Variants in CFAP70 observed in about 807,000 individuals in gnomAD.
CFAP70 encodes the protein cilia and flagella associated protein 70, also known as cilia- and flagella-associated protein 70.
Under a neutral mutation model 137.6 loss-of-function variants are expected in CFAP70, and 81 were observed. The ratio of observed to expected loss-of-function variants is 0.59; its 90% CI spans 0.49 to 0.71. CFAP70 has a LOEUF of 0.71. CFAP70 is among the 30% of genes least tolerant of loss of function. CFAP70 has a pLI of 0.00. For synonymous variants in CFAP70, 382 were observed against 423.6 expected, an observed-to-expected ratio of 0.90 and a Z score of 1.20; for missense variants, 976 against 1,226.7, an observed-to-expected ratio of 0.80 and a Z score of 3.05.
chr10:73,309,625 A>G (rs1039837526), intron 12 of CFAP70, among the ~76,000 whole-genome samples: 1 of 142,340 alleles, frequency 7.0e-6, no homozygotes, highest in African/African-American at 2.7e-5. Flanking sequence ...GGGTATTTTT[A>G]TATACTTTCT....
chr10:73,298,906 C>A lies in CFAP70; in HGVS notation c.1512+1G>T. The A allele has an allele frequency of 1.2e-6, 2 of 1,613,594 alleles. No homozygotes were observed. The highest frequency in any genetic ancestry group is 1.7e-6 in the Non-Finnish European group (2 of 1,179,778). On this transcript the variant is annotated splice_donor_variant, in intron 14 of 26. Transcript: ENST00000310715. LOFTEE classifies it high-confidence loss of function. Reference sequence around the variant, plus strand: ...AGTAATTAAACAAGTGAATGTTTTACCTTGAGTTGTTCTTTGAAAGCAAAG... The same window carrying A: ...AGTAATTAAACAAGTGAATGTTTTAACTTGAGTTGTTCTTTGAAAGCAAAG...
chr10:73,286,756 G>A (rs557421365), intron 19 of CFAP70, among the ~76,000 whole-genome samples: 1 of 152,302 alleles, frequency 6.6e-6, no homozygotes, highest in South Asian at 2.1e-4. Context: ...TCAGAGCTGA[G>A]AGCCATAAAC....
chr10:73,347,607 AG>A (rs1405808010), intron 4 of CFAP70, among the ~76,000 whole-genome samples: 14 of 152,284 alleles, frequency 9.2e-5, no homozygotes, highest in Admixed American at 6.5e-4. Context: ...CTAAGATAAA[AG>A]GAAGAATAGG....
intron 5 of CFAP70, among the ~76,000 whole-genome samples, chr10:73,343,856 C>T (rs2053483801): frequency 6.6e-6 from 1 of 151,882 alleles, no homozygotes; most frequent in Non-Finnish European, 1.5e-5. Context: ...CTTTTGTGTA[C>T]CAAAGCAATG....
At chr10:73,260,100 T>C (rs1013661734) in intron 25 of CFAP70, among the ~76,000 whole-genome samples, 41 of 151,770 alleles carry the variant, frequency 2.7e-4, no homozygotes, top group African/African-American at 8.7e-4. Context: ...TGCCTATAAT[T>C]GCAGCTCTTT....
intron 1 of CFAP70, among the ~76,000 whole-genome samples, chr10:73,358,487 G>T (rs2054843066): frequency 6.6e-6 from 1 of 152,238 alleles, no homozygotes; most frequent in Non-Finnish European, 1.5e-5. Flanking sequence ...GACGAGAAGC[G>T]GTAAAGGAAG....
intron 12 of CFAP70, among the ~76,000 whole-genome samples, chr10:73,299,871 G>A (rs1196232612): frequency 1.3e-5 from 2 of 152,284 alleles, no homozygotes; most frequent in Non-Finnish European, 2.9e-5. Context: ...CCATACAGAA[G>A]GGAGGTGAGG....
At chr10:73,310,414 C>G in intron 11 of CFAP70, 165 bp from the exon 13 acceptor site, 4 of 445,136 alleles carry the variant, frequency 9.0e-6, no homozygotes, top group Non-Finnish European at 1.6e-5. Flanking sequence ...AGAAAAATAA[C>G]TGGAAAGAAA....
intron 8 of CFAP70, among the ~76,000 whole-genome samples, chr10:73,324,139 T>G (rs988792856): frequency 6.6e-6 from 1 of 152,126 alleles, no homozygotes; most frequent in South Asian, 2.1e-4. Flanking sequence ...GAGACAAAAC[T>G]TCCAGAGGAA....
At chr10:73,287,852 CATCTATCTATCTATCT>C (rs72556802) in intron 19 of CFAP70, among the ~76,000 whole-genome samples, 7 of 145,954 alleles carry the variant, frequency 4.8e-5, no homozygotes, top group African/African-American at 1.0e-4. Context: ...TGCATTTTAA[CATCTATCTATCTATCT>C]ATCTATCTAT....
chr10:73,310,048 C>A, intron 12 of CFAP70, 110 bp downstream of exon 13: 1 of 609,982 alleles, frequency 1.6e-6, no homozygotes, highest in Non-Finnish European at 2.8e-6. Flanking sequence ...AGAAAAAAAC[C>A]AGATAACTCC....
chr10:73,313,173 T>C (rs111498832), intron 9 of CFAP70, among the ~76,000 whole-genome samples: 16,067 of 150,844 alleles, frequency 0.11, 1,230 homozygotes, highest in East Asian at 0.31. Context: ...GAGATTGAGA[T>C]TATCCTGGCT....
chr10:73,286,393 G>C (rs1186454965), intron 19 of CFAP70, among the ~76,000 whole-genome samples: 2 of 152,022 alleles, frequency 1.3e-5, no homozygotes, highest in African/African-American at 4.8e-5. Context: ...GCAGTGAGCC[G>C]AGATCGCACC....
At chr10:73,312,537 T>C in exon 10 of CFAP70, 1 of 1,613,166 alleles carries the variant, frequency 6.2e-7, no homozygotes, top group Non-Finnish European at 8.5e-7. Flanking sequence ...TTCTTTCAGA[T>C]TCTTAGAAAC....
chr10:73,354,861 C>A, intron 1 of CFAP70, 26 bp from the exon 2 acceptor site: 1 of 1,383,820 alleles, frequency 7.2e-7, no homozygotes, highest in Non-Finnish European at 1.0e-6. Flanking sequence ...ATCAACCTGT[C>A]CCCTCATGTA....
At chr10:73,268,412 T>C (rs761581523) in intron 25 of CFAP70, among the ~76,000 whole-genome samples, 1 of 152,228 alleles carries the variant, frequency 6.6e-6, no homozygotes, top group Non-Finnish European at 1.5e-5. Context: ...AACTCATTTG[T>C]ACTTGAAAAG....
intron 5 of CFAP70, 37 bp downstream of exon 6, chr10:73,345,028 T>C (rs1444637743): frequency 6.3e-7 from 1 of 1,584,096 alleles, no homozygotes; most frequent in East Asian, 2.2e-5. Context: ...TACAGACATG[T>C]TTGAATCTCT....
At chr10:73,299,612 G>A (rs1313567346) in exon 13 of CFAP70, 1 of 1,612,926 alleles carries the variant, frequency 6.2e-7, no homozygotes, top group African/African-American at 1.3e-5. Context: ...TGCCTTCTGA[G>A]CTCCTCCTGT....
At position 73,263,013 on chromosome 10, in the gene CFAP70, T is replaced by C. The variant is rs2045414710; in HGVS notation, c.3028-6597A>G. Among the ~76,000 whole-genome samples the C allele has an allele frequency of 2.0e-5, 3 of 152,220 alleles. No homozygotes were observed. The South Asian group carries it at 6.2e-4, about 31-fold the overall frequency. On this transcript the variant is annotated intron_variant, in intron 25 of 26. Transcript: ENST00000310715. ...AGTACAATTATCACAATCAGGAAGT[T>C]AGTATAGATAGAATACTATTATCTA...
Sources: gnomAD v4.1 joint callset for allele counts (sites outside exome capture counted in the v4.1 genomes callset) on GRCh38, gnomAD v4.1.1 for gene constraint, MANE v1.5 for transcripts, NCBI Gene and HGNC (gene_info 2026-07-23, HGNC 2026-07-21) for gene names.